The following ATG10 variants were observed in gnomAD, a reference collection of about 807,000 sequenced individuals.
The protein encoded by ATG10 is autophagy related 10, also known as ubiquitin-like-conjugating enzyme ATG10.
Under a neutral mutation model 32.1 loss-of-function variants are expected in ATG10, and 30 were observed. That is an observed-to-expected ratio of 0.94 (90% CI 0.70 to 1.27). ATG10 has a LOEUF of 1.27. ATG10 is among the 50% of genes most tolerant of loss of function. The pLI is 0.00. For missense variants in ATG10, 233 were observed against 262.3 expected (o/e 0.89, Z 0.77); for synonymous variants, 87 against 91.5 (o/e 0.95, Z 0.28).
At chr5:82,061,914 C>G (rs1487143402) in intron 3 of ATG10, among the ~76,000 whole-genome samples, 1 of 131,040 alleles carries the variant, frequency 7.6e-6, no homozygotes, top group Non-Finnish European at 1.6e-5. Flanking sequence ...ACTGAATCAT[C>G]TAATTCCTGG....
chr5:82,092,660 C>G (rs559783399), intron 3 of ATG10, among the ~76,000 whole-genome samples: 1 of 152,200 alleles, frequency 6.6e-6, no homozygotes, highest in African/African-American at 2.4e-5. Flanking sequence ...TCCCATGAGA[C>G]TGAAGGCAGA....
chr5:82,180,783 C>T (rs1744198925), intron 5 of ATG10, among the ~76,000 whole-genome samples: 2 of 152,124 alleles, frequency 1.3e-5, no homozygotes, highest in African/African-American at 2.4e-5. Context: ...TTACCATTTT[C>T]CTTTTCTGCC....
intron 4 of ATG10, among the ~76,000 whole-genome samples, chr5:82,170,159 A>G (rs1561337772): frequency 6.6e-6 from 1 of 152,076 alleles, no homozygotes. Context: ...CAAGGTAAGT[A>G]CATTAATTTT....
intron 5 of ATG10, among the ~76,000 whole-genome samples, chr5:82,238,706 T>A (rs1461983333): frequency 6.6e-6 from 1 of 152,156 alleles, no homozygotes; most frequent in Non-Finnish European, 1.5e-5. Context: ...TGTATGAGTG[T>A]TTAGCATGGA....
rs369572717 is a variant in ATG10 at position 82,216,728 on chromosome 5, TA to T, written c.454-35833del. ...AAACTCATGCTATTAGGAGTTTCAT[TA>T]GATTTATTTGAGTCCACAGCTATAA... On this transcript the variant is annotated intron_variant, in intron 5 of 7. Transcript: ENST00000282185. Among the ~76,000 whole-genome samples, 53 of 152,274 alleles carry T rather than the reference TA, an allele frequency of 3.5e-4. No homozygotes were observed. In the South Asian group the frequency reaches 0.011, roughly 32 times the overall value.
At chr5:82,231,195 T>C (rs1045323672) in intron 5 of ATG10, among the ~76,000 whole-genome samples, 6 of 152,182 alleles carry the variant, frequency 3.9e-5, no homozygotes, top group African/African-American at 1.4e-4. Flanking sequence ...GGTCATAGAC[T>C]TTCTTGTCTA....
At chr5:82,196,038 A>G (rs931686585) in intron 5 of ATG10, among the ~76,000 whole-genome samples, 1 of 152,170 alleles carries the variant, frequency 6.6e-6, no homozygotes, top group Non-Finnish European at 1.5e-5. Context: ...ATCTTTGCCA[A>G]TTCTGGTCCA....
At chr5:82,215,408 G>T (rs943807968) in intron 5 of ATG10, among the ~76,000 whole-genome samples, 1 of 152,122 alleles carries the variant, frequency 6.6e-6, no homozygotes, top group African/African-American at 2.4e-5. Context: ...CAAGACAGTA[G>T]ATCCAGCCCA....
At chr5:82,204,464 G>A (rs897539584) in intron 5 of ATG10, among the ~76,000 whole-genome samples, 2 of 152,096 alleles carry the variant, frequency 1.3e-5, no homozygotes, top group African/African-American at 2.4e-5. Flanking sequence ...GTAATTGCGA[G>A]GTTAGCAAGA....
chr5:82,203,265 T>C (rs1408817237), intron 5 of ATG10, among the ~76,000 whole-genome samples: 2 of 151,822 alleles, frequency 1.3e-5, no homozygotes, highest in Non-Finnish European at 2.9e-5. Context: ...TTTCCACCTT[T>C]CCAGGTTGTC....
intron 2 of ATG10, among the ~76,000 whole-genome samples, chr5:82,049,705 C>T (rs749205484): frequency 6.6e-6 from 1 of 151,944 alleles, no homozygotes; most frequent in Non-Finnish European, 1.5e-5. Context: ...TAGGTAGTAA[C>T]CTAAGAAAGA....
intron 2 of ATG10, among the ~76,000 whole-genome samples, chr5:82,050,313 C>T (rs1763371163): frequency 6.6e-6 from 1 of 152,016 alleles, no homozygotes; most frequent in Non-Finnish European, 1.5e-5. Flanking sequence ...TAATATATTT[C>T]TCCTTCCTGA....
chr5:82,142,108 G>T (rs1277521728), intron 3 of ATG10, among the ~76,000 whole-genome samples: 1 of 152,190 alleles, frequency 6.6e-6, no homozygotes, highest in African/African-American at 2.4e-5. Context: ...GTGAGAAAAT[G>T]AATATGGGGA....
chr5:82,184,981 T>A (rs1744393508), intron 5 of ATG10, among the ~76,000 whole-genome samples: 1 of 152,206 alleles, frequency 6.6e-6, no homozygotes. Context: ...ATGATGATGA[T>A]GGAAGGGACT....
chr5:81,977,672 T>G (rs1028740381), intron 1 of ATG10, among the ~76,000 whole-genome samples: 2 of 152,220 alleles, frequency 1.3e-5, no homozygotes, highest in African/African-American at 4.8e-5. Flanking sequence ...TGACTTTGTC[T>G]CCACCTGGTT....
At chr5:82,127,412 G>C (rs1425846724) in intron 3 of ATG10, among the ~76,000 whole-genome samples, 3 of 151,980 alleles carry the variant, frequency 2.0e-5, no homozygotes, top group Non-Finnish European at 4.4e-5. Context: ...TTCCTCCTGT[G>C]GGCATTTAGT....
chr5:82,188,619 G>A (rs1224818545), intron 5 of ATG10, among the ~76,000 whole-genome samples: 1 of 152,064 alleles, frequency 6.6e-6, no homozygotes, highest in East Asian at 1.9e-4. Flanking sequence ...AGAGGTTAAT[G>A]GCGGGTACAC....
chr5:82,218,675 A>G (rs1029947782), intron 5 of ATG10, among the ~76,000 whole-genome samples: 1 of 152,168 alleles, frequency 6.6e-6, no homozygotes, highest in African/African-American at 2.4e-5. Flanking sequence ...ACATCACTTA[A>G]TTTATGGGAG....
At chr5:81,987,794 G>C (rs1430713392) in intron 2 of ATG10, 116 bp downstream of exon 2, 1 of 704,048 alleles carries the variant, frequency 1.4e-6, no homozygotes, top group Non-Finnish European at 2.4e-6. Context: ...AAACTGGTTT[G>C]ATTTAGTAAA....
Sources: gnomAD v4.1 joint callset for allele counts (sites outside exome capture counted in the v4.1 genomes callset) on GRCh38, gnomAD v4.1.1 for gene constraint, MANE v1.5 for transcripts, NCBI Gene and HGNC (gene_info 2026-07-23, HGNC 2026-07-21) for gene names.